Variants in ITGB2 observed in about 807,000 individuals in gnomAD.
The protein encoded by ITGB2 is integrin beta-2.
Under a neutral mutation model 86.8 loss-of-function variants are expected in ITGB2, and 56 were observed. The ratio of observed to expected loss-of-function variants is 0.65; its 90% CI spans 0.52 to 0.81. ITGB2 has a LOEUF of 0.81. ITGB2 is among the 30% of genes least tolerant of loss of function. The pLI is 0.00. For missense variants in ITGB2, 948 were observed against 1,061.2 expected, an observed-to-expected ratio of 0.89 and a Z score of 1.48; for synonymous variants, 457 against 450.4, an observed-to-expected ratio of 1.01 and a Z score of -0.19.
At position 44,902,871 on chromosome 21, in the gene ITGB2, C is replaced by T. The variant is rs1407625713; in HGVS notation, c.499+494G>A. Among the ~76,000 whole-genome samples, 4 of 152,254 alleles carry T rather than the reference C, an allele frequency of 2.6e-5. No individual in the cohort carries two copies. In the South Asian group the frequency reaches 6.2e-4, roughly 24 times the overall value. ...GCATGTAGGGAAGGTGGCAGAGTGC[C>T]GATGTGAGAAGCCACGGCCGGCGGG... On this transcript the variant is annotated intron_variant, in intron 5 of 15. Coordinates refer to ENST00000652462, the MANE Select transcript of ITGB2 (RefSeq NM_000211.5).
chr21:44,920,051 G>T (rs2084277737), intron 1 of ITGB2, among the ~76,000 whole-genome samples: 1 of 152,148 alleles, frequency 6.6e-6, no homozygotes, highest in African/African-American at 2.4e-5. Context: ...GAATCGCACA[G>T]CGGTGCCCGC....
At chr21:44,894,838 G>T in intron 9 of ITGB2, 133 bp downstream of exon 9, 1 of 727,944 alleles carries the variant, frequency 1.4e-6, no homozygotes. Flanking sequence ...AGGTCGGGAG[G>T]CTGCAGCTGG....
upstream of ITGB2, among the ~76,000 whole-genome samples, chr21:44,923,167 A>G (rs1897864515): frequency 6.6e-6 from 1 of 152,218 alleles, no homozygotes; most frequent in Admixed American, 6.5e-5. Flanking sequence ...AGGGTGTGTT[A>G]GATGACATCG....
chr21:44,894,009 A>C, intron 9 of ITGB2: 1 of 275,580 alleles, frequency 3.6e-6, no homozygotes, highest in South Asian at 3.6e-5. Context: ...AGAGACAGAC[A>C]GAGAGAGACA....
intron 4 of ITGB2, 77 bp from the exon 5 acceptor site, chr21:44,903,612 G>C: frequency 3.2e-6 from 5 of 1,564,066 alleles, no homozygotes; most frequent in Non-Finnish European, 4.4e-6. Context: ...GGCCCCGAGC[G>C]GGCTGTGCAC....
intron 1 of ITGB2, among the ~76,000 whole-genome samples, chr21:44,918,678 A>G (rs1601334253): frequency 6.6e-6 from 1 of 152,230 alleles, no homozygotes; most frequent in Admixed American, 6.5e-5. Context: ...CCTCTTCCCC[A>G]GGGAGTCTCC....
At chr21:44,917,074 G>C (rs1423420252) in intron 1 of ITGB2, among the ~76,000 whole-genome samples, 1 of 152,118 alleles carries the variant, frequency 6.6e-6, no homozygotes, top group Non-Finnish European at 1.5e-5. Flanking sequence ...CAAGGGTGTG[G>C]CACCCTGAGC....
intron 10 of ITGB2, among the ~76,000 whole-genome samples, chr21:44,892,567 T>C (rs1306491124): frequency 7.8e-6 from 1 of 128,990 alleles, no homozygotes; most frequent in African/African-American, 3.1e-5. Context: ...ATCGCACCAG[T>C]GCACTCCAGC....
At chr21:44,887,847 C>T (rs1456600632) in intron 14 of ITGB2, among the ~76,000 whole-genome samples, 1 of 152,200 alleles carries the variant, frequency 6.6e-6, no homozygotes, top group East Asian at 1.9e-4. Context: ...CACCTACAGG[C>T]TCAGAGACCC....
chr21:44,910,160 G>T, intron 3 of ITGB2, 124 bp downstream of exon 3: 1 of 1,318,398 alleles, frequency 7.6e-7, no homozygotes, highest in Non-Finnish European at 1.0e-6. Flanking sequence ...TGAGGCCAGG[G>T]TCTGGGGACC....
chr21:44,899,006 T>C (rs1175730982), intron 8 of ITGB2, 61 bp downstream of exon 8: 11 of 1,348,434 alleles, frequency 8.2e-6, no homozygotes, highest in Non-Finnish European at 1.1e-5. Flanking sequence ...TGGCGCTGGG[T>C]CTGGCCTGTG....
chr21:44,912,428 C>A (rs551417102), intron 1 of ITGB2, among the ~76,000 whole-genome samples: 1 of 152,260 alleles, frequency 6.6e-6, no homozygotes, highest in African/African-American at 2.4e-5. Context: ...GACGCCCCAA[C>A]AAGCCCCAAG....
intron 2 of ITGB2, 73 bp from the exon 3 acceptor site, chr21:44,910,445 G>C (rs1407226835): frequency 1.9e-6 from 3 of 1,607,910 alleles, no homozygotes; most frequent in South Asian, 2.2e-5. Flanking sequence ...AGTAGAGCAG[G>C]AAGGTCAGAG....
intron 1 of ITGB2, among the ~76,000 whole-genome samples, chr21:44,915,745 A>G (rs1248864274): frequency 6.6e-6 from 1 of 152,206 alleles, no homozygotes; most frequent in Non-Finnish European, 1.5e-5. Flanking sequence ...CAGGAAATCC[A>G]GGGACAAAAA....
At chr21:44,910,910 G>A in intron 1 of ITGB2, 125 bp from the exon 2 acceptor site, 3 of 959,064 alleles carry the variant, frequency 3.1e-6, no homozygotes, top group Admixed American at 4.1e-5. Flanking sequence ...CAGGGGGTGG[G>A]TTAGGGTCAG....
At chr21:44,897,613 G>A (rs573076797) in intron 8 of ITGB2, among the ~76,000 whole-genome samples, 92 of 152,328 alleles carry the variant, frequency 6.0e-4, no homozygotes, top group Middle Eastern at 3.4e-3. Flanking sequence ...CTGAGGGCTC[G>A]GGGTAAGGAA....
At chr21:44,916,396 C>G (rs1227371183) in intron 1 of ITGB2, among the ~76,000 whole-genome samples, 1 of 152,180 alleles carries the variant, frequency 6.6e-6, no homozygotes, top group Non-Finnish European at 1.5e-5. Context: ...CACCACTCCT[C>G]CATCTAACAT....
rs1177385363 is a variant in ITGB2, at chr21:44,903,396, G to A, written c.468C>T (p.Ala156=). Residue 156 remains alanine, a synonymous_variant, in exon 5 of 16, where the codon GCC becomes GCT. Transcript: ENST00000652462. The part of the protein sequence containing the change: ...VKKLGGDLLR[A]LNEITESGRI... The stretch of plus-strand genomic sequence containing the variant: ...GGCCGGACTCGGTGATCTCGTTGAG[G>A]GCCCGGAGCAGGTCGCCACCTAGCT... The A allele has an allele frequency of 5.0e-6, 8 of 1,613,966 alleles. No homozygotes were observed. The African/African-American group carries it at 9.3e-5, about 19-fold the overall frequency.
intron 6 of ITGB2, 76 bp downstream of exon 6, chr21:44,901,416 C>T: frequency 1.9e-6 from 3 of 1,554,730 alleles, no homozygotes; most frequent in African/African-American, 1.4e-5. Context: ...GGGTACCCCC[C>T]TGCCCCCACA....
Sources: gnomAD v4.1 joint callset for allele counts (sites outside exome capture counted in the v4.1 genomes callset) on GRCh38, gnomAD v4.1.1 for gene constraint, MANE v1.5 for transcripts, NCBI Gene and HGNC (gene_info 2026-07-23, HGNC 2026-07-21) for gene names.